DYRK4: variants seen among roughly 807,000 people sequenced by gnomAD.
DYRK4 encodes the protein dual specificity tyrosine phosphorylation regulated kinase 4, also known as dual specificity tyrosine-phosphorylation-regulated kinase 4.
DYRK4 carries 64 observed loss-of-function variants against 68.3 expected under a neutral mutation model. That is an observed-to-expected ratio of 0.94 (90% CI 0.77 to 1.15). DYRK4 has a LOEUF of 1.15. Ranked by LOEUF, DYRK4 falls within the 50% of genes most tolerant of loss-of-function variation. The pLI, the probability that DYRK4 is intolerant of heterozygous loss-of-function variation, is 0.00. For synonymous variants in DYRK4, 274 were observed against 289.9 expected (o/e 0.95, Z 0.56); for missense variants, 740 against 764.7 (o/e 0.97, Z 0.38).
At chr12:4,562,424 A>G in intron 1 of DYRK4, 141 bp downstream of exon 1, 1 of 1,126,812 alleles carries the variant, frequency 8.9e-7, no homozygotes, top group Non-Finnish European at 1.2e-6. Flanking sequence ...TGTGGGTCAG[A>G]GAGAGGCGGG....
intron 1 of DYRK4, chr12:4,563,182 T>G (rs557991959): frequency 1.3e-4 from 59 of 455,752 alleles, no homozygotes; most frequent in African/African-American, 1.1e-3. Context: ...GGTCGGTATG[T>G]AAAACCTAGG....
At chr12:4,577,925 C>A (rs1211639657) in intron 2 of DYRK4, among the ~76,000 whole-genome samples, 6 of 152,106 alleles carry the variant, frequency 3.9e-5, no homozygotes, top group Admixed American at 6.5e-5. Context: ...ATTTCAAATT[C>A]CAATGGTTCA....
intron 1 of DYRK4, among the ~76,000 whole-genome samples, chr12:4,566,560 A>G (rs757486110): frequency 6.6e-6 from 1 of 152,224 alleles, no homozygotes; most frequent in African/African-American, 2.4e-5. Flanking sequence ...CTGGTTGCAG[A>G]AGGCTGTATT....
rs1357474902 is a variant in DYRK4 at position 4,604,985 on chromosome 12, A to G, written c.1198A>G (p.Ile400Val). ...CCTGGGCCACCCCTACGACGTGGCCATTGACATGTGGAGCCTGGGCTGCAT... is the reference window on the plus strand; with the variant it reads ...CCTGGGCCACCCCTACGACGTGGCCGTTGACATGTGGAGCCTGGGCTGCAT... ...VILGHPYDVA[I>V]DMWSLGCITA... The change falls in exon 11 of 15, where the codon ATT becomes GTT. Residue 400 changes from isoleucine (I) to valine (V), a missense_variant. Physicochemically the swap from Ile to Val is conservative, Grantham distance 29 (BLOSUM62 3). This residue lies in a region of DYRK4 where 614 missense variants were observed against 603.7 expected (regional missense o/e 1.02). Transcript: ENST00000543431. The G allele has an allele frequency of 1.2e-6, 2 of 1,614,050 alleles. No homozygotes were observed. The highest frequency in any genetic ancestry group is 1.1e-5 in the South Asian group (1 of 91,066).
At chr12:4,598,052 C>A (rs1261101819) in intron 8 of DYRK4, among the ~76,000 whole-genome samples, 1 of 152,122 alleles carries the variant, frequency 6.6e-6, no homozygotes, top group African/African-American at 2.4e-5. Context: ...GTCAACAGAG[C>A]AAGACTCTGT....
At chr12:4,584,117 G>A (rs570541122) in intron 2 of DYRK4, among the ~76,000 whole-genome samples, 1 of 152,294 alleles carries the variant, frequency 6.6e-6, no homozygotes, top group South Asian at 2.1e-4. Flanking sequence ...AAGTTCAGAG[G>A]TGGGAGAGAC....
intron 6 of DYRK4, among the ~76,000 whole-genome samples, chr12:4,593,451 G>T (rs1037872519): frequency 6.6e-6 from 1 of 152,138 alleles, no homozygotes; most frequent in Non-Finnish European, 1.5e-5. Context: ...CTCCTTCCCT[G>T]CATAGCCCAC....
At chr12:4,588,645 G>A (rs950208830) in intron 2 of DYRK4, among the ~76,000 whole-genome samples, 2 of 152,138 alleles carry the variant, frequency 1.3e-5, no homozygotes, top group African/African-American at 4.8e-5. Context: ...CGTAAGCAGG[G>A]TCTCTAGTTA....
At chr12:4,610,433 T>G (rs1945206713) in intron 13 of DYRK4, 149 bp downstream of exon 13, 1 of 761,406 alleles carries the variant, frequency 1.3e-6, no homozygotes, top group African/African-American at 1.8e-5. Context: ...ACAAATTGCT[T>G]CCACATCTGT....
chr12:4,588,615 G>T (rs533802731), intron 2 of DYRK4, among the ~76,000 whole-genome samples: 5 of 152,208 alleles, frequency 3.3e-5, no homozygotes, highest in Non-Finnish European at 7.3e-5. Flanking sequence ...AGCAAGAGCA[G>T]CTCAGCTGTT....
intron 2 of DYRK4, among the ~76,000 whole-genome samples, chr12:4,575,298 A>ATTGTGTGTGT (rs562026104): frequency 2.5e-4 from 36 of 144,188 alleles, no homozygotes; most frequent in South Asian, 1.7e-3. Context: ...ACAATAACTT[A>ATTGTGTGTGT]CTGTGTGTGT....
chr12:4,602,184 TTTACTTA>T, intron 10 of DYRK4: 1 of 776,324 alleles, frequency 1.3e-6, no homozygotes, highest in South Asian at 1.4e-5. Flanking sequence ...TCAGAAAAGT[TTTACTTA>T]CTCTGCTGTT....
At chr12:4,607,063 AG>A (rs1163742688) in intron 11 of DYRK4, among the ~76,000 whole-genome samples, 2 of 152,182 alleles carry the variant, frequency 1.3e-5, no homozygotes, top group East Asian at 3.9e-4. Flanking sequence ...GCTGCTATCA[AG>A]GGTGGTGGCC....
intron 11 of DYRK4, among the ~76,000 whole-genome samples, chr12:4,605,473 T>C (rs1424939431): frequency 2.0e-5 from 3 of 152,188 alleles, no homozygotes; most frequent in Non-Finnish European, 4.4e-5. Context: ...TTTGTTCTTT[T>C]TTCCCTTTTG....
chr12:4,570,988 C>T (rs904421391), intron 2 of DYRK4, among the ~76,000 whole-genome samples: 3 of 152,162 alleles, frequency 2.0e-5, no homozygotes, highest in Non-Finnish European at 4.4e-5. Flanking sequence ...TTGTATTTGT[C>T]GTAACTGCCG....
rs1945121573 is a variant in DYRK4 at position 4,604,822 on chromosome 12, G to A, written c.1127-92G>A. 3.5e-6 allele frequency: 5 copies of A among 1,415,874 alleles called. No individual in the cohort carries two copies. In the Admixed American group the frequency reaches 1.1e-4, roughly 31 times the overall value. 87.7% of individuals were successfully genotyped at this position (1,415,874 alleles called of 1,614,324 possible). A position where few individuals can be genotyped will look rare whatever the true frequency, so the allele number is the denominator to read the frequency against. Reference sequence around the variant, plus strand: ...GCACTTCCCTTTCACTGCCAGCGGGGGCGCAGTCTAACTGAGAAGTTGTCC... The same window carrying A: ...GCACTTCCCTTTCACTGCCAGCGGGAGCGCAGTCTAACTGAGAAGTTGTCC... On this transcript the variant is annotated intron_variant, in intron 10 of 14. Coordinates refer to ENST00000543431, the MANE Select transcript of DYRK4 (RefSeq NM_001394779.1).
At chr12:4,586,683 G>A (rs1161640862) in intron 2 of DYRK4, among the ~76,000 whole-genome samples, 1 of 149,410 alleles carries the variant, frequency 6.7e-6, no homozygotes, top group Non-Finnish European at 1.5e-5. Context: ...GTCACCTGGG[G>A]CTGCTAAACT....
chr12:4,570,040 AAAT>A (rs58464815), intron 2 of DYRK4, among the ~76,000 whole-genome samples: 32,603 of 140,802 alleles, frequency 0.23, 3,987 homozygotes, highest in Non-Finnish European at 0.27. Flanking sequence ...CTGTCGCTAT[AAAT>A]AATAATAATA....
At chr12:4,575,047 A>G (rs889315199) in intron 2 of DYRK4, among the ~76,000 whole-genome samples, 22 of 152,168 alleles carry the variant, frequency 1.4e-4, no homozygotes, top group Non-Finnish European at 3.1e-4. Flanking sequence ...TGATGCTGCT[A>G]TGAGCATTCT....
Sources: allele counts gnomAD v4.1 joint callset (sites outside exome capture counted in the v4.1 genomes callset), GRCh38; gene constraint gnomAD v4.1.1; regional missense constraint gnomAD v4.1.1; transcripts MANE v1.5; gene names NCBI Gene and HGNC (gene_info 2026-07-23, HGNC 2026-07-21).